The following CDH12 variants were observed in gnomAD, a reference collection of about 807,000 sequenced individuals.
CDH12 encodes the protein cadherin 12.
CDH12 carries 41 observed loss-of-function variants against 74.1 expected under a neutral mutation model. The ratio of observed to expected loss-of-function variants is 0.55; its 90% CI spans 0.43 to 0.72. The LOEUF is 0.72. CDH12 is among the 30% of genes least tolerant of loss of function. The pLI is 0.00. For synonymous variants in CDH12, 399 were observed against 355.0 expected, an observed-to-expected ratio of 1.12 and a Z score of -1.39; for missense variants, 945 against 977.2, an observed-to-expected ratio of 0.97 and a Z score of 0.44.
At chr5:22,162,426 T>C (rs1402029136) in intron 4 of CDH12, among the ~76,000 whole-genome samples, 2 of 152,150 alleles carry the variant, frequency 1.3e-5, no homozygotes, top group Non-Finnish European at 2.9e-5. Flanking sequence ...TTCCTTATTT[T>C]GGTGTTACAT....
intron 1 of CDH12, among the ~76,000 whole-genome samples, chr5:22,724,902 AT>A (rs1214923630): frequency 6.6e-6 from 1 of 151,796 alleles, no homozygotes; most frequent in African/African-American, 2.4e-5. Context: ...AATTAAAAAA[AT>A]AGTTTCCAAA....
chr5:22,115,811 C>T (rs767907805), intron 4 of CDH12, among the ~76,000 whole-genome samples: 1 of 150,796 alleles, frequency 6.6e-6, no homozygotes, highest in African/African-American at 2.4e-5. Context: ...TCTGCCTCAA[C>T]CTCCCAAGCA....
intron 4 of CDH12, among the ~76,000 whole-genome samples, chr5:22,088,639 CT>C (rs1743219247): frequency 1.3e-5 from 2 of 152,130 alleles, no homozygotes; most frequent in African/African-American, 4.8e-5. Flanking sequence ...GGCTCTACAG[CT>C]TTGTCTCAGG....
intron 1 of CDH12, among the ~76,000 whole-genome samples, chr5:22,682,591 C>T (rs554133682): frequency 3.0e-4 from 45 of 152,006 alleles, no homozygotes; most frequent in Middle Eastern, 3.4e-3. Flanking sequence ...CTTTTGAAAC[C>T]ATTTACAAGC....
At chr5:22,321,110 GGACA>G (rs1009261277) in intron 3 of CDH12, among the ~76,000 whole-genome samples, 2 of 151,936 alleles carry the variant, frequency 1.3e-5, no homozygotes, top group African/African-American at 4.8e-5. Context: ...AACTGATAGG[GGACA>G]GGAAGGAAAT....
intron 6 of CDH12, among the ~76,000 whole-genome samples, chr5:21,952,798 TC>T (rs946517979): frequency 6.6e-6 from 1 of 150,720 alleles, no homozygotes; most frequent in African/African-American, 2.5e-5. Context: ...AAACTGGGAG[TC>T]AGCCCTACGA....
At chr5:22,143,180 G>A (rs1183644165) in intron 4 of CDH12, 3 of 152,018 alleles carry the variant, frequency 2.0e-5, no homozygotes, top group Non-Finnish European at 4.4e-5. Context: ...ACCAAAATAA[G>A]GCATCATAAT....
At chr5:22,780,709 C>A (rs1041265239) in intron 1 of CDH12, among the ~76,000 whole-genome samples, 1 of 152,068 alleles carries the variant, frequency 6.6e-6, no homozygotes, top group African/African-American at 2.4e-5. Context: ...GGAACACAGC[C>A]AAACCATATC....
chr5:22,307,419 T>G (rs1305591503), intron 3 of CDH12, among the ~76,000 whole-genome samples: 4 of 152,220 alleles, frequency 2.6e-5, no homozygotes, highest in Non-Finnish European at 4.4e-5. Context: ...TGTTGTTGAT[T>G]CTCTGTAAAG....
intron 5 of CDH12, among the ~76,000 whole-genome samples, chr5:22,075,249 G>A (rs1364918124): frequency 4.3e-5 from 6 of 139,270 alleles, no homozygotes; most frequent in Admixed American, 4.1e-4. Context: ...TCATAGGTGG[G>A]AATTGAACAA....
intron 4 of CDH12, among the ~76,000 whole-genome samples, chr5:22,097,384 C>T (rs987146978): frequency 6.6e-6 from 1 of 152,152 alleles, no homozygotes; most frequent in Non-Finnish European, 1.5e-5. Flanking sequence ...AAGTAACTCT[C>T]ACAGCAGAAA....
chr5:22,641,231 G>T (rs921808782), intron 1 of CDH12, among the ~76,000 whole-genome samples: 2 of 152,150 alleles, frequency 1.3e-5, no homozygotes, highest in African/African-American at 4.8e-5. Flanking sequence ...CAGAACCGGG[G>T]AAGCTGATGG....
intron 3 of CDH12, among the ~76,000 whole-genome samples, chr5:22,229,791 G>A (rs1580427301): frequency 6.6e-6 from 1 of 151,982 alleles, no homozygotes; most frequent in Non-Finnish European, 1.5e-5. Flanking sequence ...CGGATACTCT[G>A]TATTTAATGT....
chr5:21,948,112 A>G (rs2150097426), intron 6 of CDH12, among the ~76,000 whole-genome samples: 1 of 152,342 alleles, frequency 6.6e-6, no homozygotes, highest in East Asian at 1.9e-4. Flanking sequence ...GGGTGGAGCC[A>G]TCATGGAGAA....
In CDH12 at chr5:22,005,143, C is replaced by T. The variant is rs187110728; in HGVS notation, c.232-29758G>A. On this transcript the variant is annotated intron_variant, in intron 5 of 14. Coordinates refer to ENST00000382254, the MANE Select transcript of CDH12 (RefSeq NM_004061.5). ...GCAGCCTTTGCCTCCTGGGTTCCAG[C>T]GATTCTCCTGCCTCAGCCTCCTGGG... 4.6e-3 allele frequency among the ~76,000 whole-genome samples: 704 copies of T among 152,192 alleles called. 4 individuals carry two copies. The highest frequency in any genetic ancestry group is 0.015 in the African/African-American group (630 of 41,548).
At chr5:22,493,695 T>C (rs1023307548) in intron 2 of CDH12, among the ~76,000 whole-genome samples, 54 of 152,034 alleles carry the variant, frequency 3.6e-4, no homozygotes, top group African/African-American at 9.4e-4. Flanking sequence ...TCCATTAAGA[T>C]GGAAAAGTTT....
At chr5:22,822,061 C>A (rs1749730879) in intron 1 of CDH12, among the ~76,000 whole-genome samples, 2 of 152,102 alleles carry the variant, frequency 1.3e-5, no homozygotes, top group Admixed American at 6.6e-5. Flanking sequence ...AGAACAGAGA[C>A]CTCAGAAATA....
chr5:22,290,949 C>A (rs1014589455), intron 3 of CDH12, among the ~76,000 whole-genome samples: 6 of 152,122 alleles, frequency 3.9e-5, no homozygotes, highest in Non-Finnish European at 7.4e-5. Context: ...AATACCAGTT[C>A]TTCTCAATCT....
intron 3 of CDH12, among the ~76,000 whole-genome samples, chr5:22,285,495 A>T (rs558833638): frequency 1.3e-5 from 2 of 152,234 alleles, no homozygotes; most frequent in African/African-American, 4.8e-5. Context: ...TCATTTCCTT[A>T]TGTAAAAGTG....
Sources: gnomAD v4.1 joint callset for allele counts (sites outside exome capture counted in the v4.1 genomes callset) on GRCh38, gnomAD v4.1.1 for gene constraint, MANE v1.5 for transcripts, NCBI Gene and HGNC (gene_info 2026-07-23, HGNC 2026-07-21) for gene names.